GAB4: variants seen among roughly 807,000 people sequenced by gnomAD.
The protein encoded by GAB4 is GRB2 associated binding protein family member 4, also known as GRB2-associated-binding protein 4.
In GAB4, 26 loss-of-function variants were observed where a neutral mutation model predicts 51.3. That is an observed-to-expected ratio of 0.51 (90% CI 0.37 to 0.70). GAB4 has a LOEUF of 0.70. GAB4 is among the 30% of genes least tolerant of loss of function. GAB4 has a pLI of 0.00. For missense variants in GAB4, 759 were observed against 734.6 expected (o/e 1.03, Z -0.38); for synonymous variants, 329 against 291.2 (o/e 1.13, Z -1.32).
At chr22:16,989,201 A>G (rs1420682987) in intron 2 of GAB4, among the ~76,000 whole-genome samples, 1 of 152,254 alleles carries the variant, frequency 6.6e-6, no homozygotes, top group African/African-American at 2.4e-5. Flanking sequence ...CCCCAACAGC[A>G]AAACTTCTTG....
At position 17,007,925 on chromosome 22, in the gene GAB4, C is replaced by A; in HGVS notation, c.174+16G>T. ...CTCCGTGGCGCTCCTGGTACCGCCC[C>A]CACTGCCCCACTCACAAAGAGCCTC... On this transcript the variant is annotated intron_variant, in intron 1 of 9. Coordinates refer to ENST00000400588, the MANE Select transcript of GAB4 (RefSeq NM_001037814.1). 1 of 1,467,806 alleles carries A rather than the reference C, an allele frequency of 6.8e-7. No individual in the cohort carries two copies. The highest frequency in any genetic ancestry group is 9.0e-7 in the Non-Finnish European group (1 of 1,115,098). The allele number at this position is 1,467,806 out of a possible 1,614,324, so 90.9% of individuals were successfully genotyped here. A position where few individuals can be genotyped will look rare whatever the true frequency, so the allele number is the denominator to read the frequency against.
At chr22:16,986,052 G>C (rs2060864373) in intron 3 of GAB4, among the ~76,000 whole-genome samples, 1 of 152,232 alleles carries the variant, frequency 6.6e-6, no homozygotes, top group East Asian at 1.9e-4. Context: ...TCACAGAGGA[G>C]GAAGGAATAC....
intron 3 of GAB4, among the ~76,000 whole-genome samples, chr22:16,987,063 T>C (rs1459316867): frequency 1.3e-5 from 2 of 152,252 alleles, no homozygotes; most frequent in Admixed American, 6.5e-5. Context: ...ATCTCTCATA[T>C]GTTTGACTGG....
intron 3 of GAB4, among the ~76,000 whole-genome samples, chr22:16,983,669 T>C (rs1289322460): frequency 6.6e-6 from 1 of 152,236 alleles, no homozygotes; most frequent in Non-Finnish European, 1.5e-5. Context: ...CAACTCATTT[T>C]CAACAAAGAT....
intron 1 of GAB4, among the ~76,000 whole-genome samples, chr22:16,997,302 C>T (rs1317515115): frequency 6.6e-6 from 1 of 152,316 alleles, no homozygotes; most frequent in Non-Finnish European, 1.5e-5. Context: ...CTCTCCAGCA[C>T]CTGTTGTTTC....
chr22:17,004,446 C>T (rs531268799), intron 1 of GAB4, among the ~76,000 whole-genome samples: 1 of 152,126 alleles, frequency 6.6e-6, no homozygotes, highest in African/African-American at 2.4e-5. Context: ...ACTGGCAAAC[C>T]GAACCCAGGC....
chr22:16,994,067 A>C (rs2060933187), intron 1 of GAB4, among the ~76,000 whole-genome samples: 1 of 152,218 alleles, frequency 6.6e-6, no homozygotes, highest in Non-Finnish European at 1.5e-5. Flanking sequence ...TTAGAAAAAA[A>C]AAATTAGAAA....
Position 16,970,031 on chromosome 22 carries a change from G to A in GAB4, c.849C>T (p.Phe283=). The A allele has an allele frequency of 6.2e-7, 1 of 1,614,216 alleles. No homozygotes were observed. The highest frequency in any genetic ancestry group is 8.5e-7 in the Non-Finnish European group (1 of 1,180,034). ...LSKPSQHNAE[F]RGSTHRIPWS... Reference sequence around the variant, plus strand: ...AGGGGATTCTGTGGGTGCTGCCTCTGAATTCTGCATTGTGCTGGCTGGGCT... The same window carrying A: ...AGGGGATTCTGTGGGTGCTGCCTCTAAATTCTGCATTGTGCTGGCTGGGCT... The change falls in exon 4 of 10, where the codon TTC becomes TTT. Residue 283 remains phenylalanine (F), a synonymous_variant. Transcript: ENST00000400588.
chr22:16,963,885 C>A (rs1308834027), intron 8 of GAB4, 56 bp from the exon 9 acceptor site: 16 of 1,373,768 alleles, frequency 1.2e-5, no homozygotes, highest in East Asian at 2.3e-5. Context: ...GACCCAGCAC[C>A]CAGTGGAACA....
At chr22:16,983,654 A>G (rs1289303119) in intron 3 of GAB4, among the ~76,000 whole-genome samples, 1 of 152,238 alleles carries the variant, frequency 6.6e-6, no homozygotes, top group African/African-American at 2.4e-5. Context: ...TCATGCATTT[A>G]CAGTCAACTC....
intron 1 of GAB4, among the ~76,000 whole-genome samples, chr22:16,994,300 T>C (rs1458709676): frequency 6.6e-6 from 1 of 152,066 alleles, no homozygotes; most frequent in Non-Finnish European, 1.5e-5. Context: ...TCACTTAATC[T>C]CCCAGCATAA....
chr22:16,998,400 T>C (rs1414664643), intron 1 of GAB4, among the ~76,000 whole-genome samples: 3 of 152,186 alleles, frequency 2.0e-5, no homozygotes, highest in Non-Finnish European at 4.4e-5. Flanking sequence ...TTATTCTCTT[T>C]GAAGCAATTG....
At chr22:16,968,940 T>A (rs1287984355) in intron 4 of GAB4, among the ~76,000 whole-genome samples, 1 of 152,192 alleles carries the variant, frequency 6.6e-6, no homozygotes, top group Non-Finnish European at 1.5e-5. Context: ...CTAAGTACCA[T>A]GGGCCTCATA....
intron 3 of GAB4, among the ~76,000 whole-genome samples, chr22:16,983,254 G>A (rs1313680747): frequency 6.6e-6 from 1 of 152,038 alleles, no homozygotes; most frequent in Non-Finnish European, 1.5e-5. Context: ...AGCCTTCACA[G>A]CCTCCGTACT....
At position 16,988,050 on chromosome 22, in the gene GAB4, G is replaced by A; in HGVS notation, c.596C>T (p.Ser199Phe). 1 of 1,608,230 alleles carries A rather than the reference G, an allele frequency of 6.2e-7. No homozygotes were observed. The highest frequency in any genetic ancestry group is 1.3e-5 in the African/African-American group (1 of 74,876). The change falls in exon 3 of 10, where the codon TCT becomes TTT. Residue 199 changes from serine (S) to phenylalanine (F), a missense_variant. Physicochemically the swap from Ser to Phe is radical, Grantham distance 155 (BLOSUM62 -2). Around this residue, in one of 3 missense-constraint regions of GAB4, gnomAD observed 588 missense variants for 510.2 expected, o/e 1.15. Transcript: ENST00000400588. ...EQEPTSEPPVSHCVPPTWPIP... is the reference protein window; with the variant it reads ...EQEPTSEPPVFHCVPPTWPIP... ...GGGCCAGGTGGGCGGCACACAGTGA[G>A]ACACCGGGGGCTCAGATGTGGGTTC...
In GAB4 at chr22:16,963,735, T is replaced by G; in HGVS notation, c.1571A>C (p.Gln524Pro). The change falls in exon 9 of 10, where the codon CAG becomes CCG. Residue 524 changes from glutamine to proline, a missense_variant. Physicochemically the swap from Gln to Pro is moderately conservative, Grantham distance 76 (BLOSUM62 -1). Around this residue, in one of 3 missense-constraint regions of GAB4, gnomAD observed 588 missense variants for 510.2 expected, o/e 1.15. Coordinates refer to ENST00000400588, the MANE Select transcript of GAB4 (RefSeq NM_001037814.1). ...GNIHYAALDF[Q>P]PSKPSIGSVT... ...CTCCACCCCAGGCACCTTGCTCGGC[T>G]GGAAGTCCAGGGCCGCGTAGTGGAT... 1.2e-6 allele frequency: 2 copies of G among 1,613,178 alleles called. No individual in the cohort carries two copies. The highest frequency in any genetic ancestry group is 1.3e-5 in the African/African-American group (1 of 74,998).
At chr22:16,994,761 T>C (rs2060938051) in intron 1 of GAB4, among the ~76,000 whole-genome samples, 2 of 152,358 alleles carry the variant, frequency 1.3e-5, no homozygotes, top group South Asian at 4.1e-4. Context: ...TTTTACAATC[T>C]GTATGACTTC....
intron 1 of GAB4, among the ~76,000 whole-genome samples, chr22:16,992,762 A>T (rs2123708523): frequency 6.6e-6 from 1 of 152,304 alleles, no homozygotes; most frequent in South Asian, 2.1e-4. Context: ...TCTGTCACTC[A>T]GGCTGGAGTG....
chr22:17,000,609 C>T (rs2060989866), intron 1 of GAB4, among the ~76,000 whole-genome samples: 1 of 152,124 alleles, frequency 6.6e-6, no homozygotes, highest in African/African-American at 2.4e-5. Context: ...CAGTCTGTGT[C>T]TTTTAATTGG....
Sources: gnomAD v4.1 joint callset for allele counts (sites outside exome capture counted in the v4.1 genomes callset) on GRCh38, gnomAD v4.1.1 for gene constraint, gnomAD v4.1.1 regional missense constraint, MANE v1.5 for transcripts, NCBI Gene and HGNC (gene_info 2026-07-23, HGNC 2026-07-21) for gene names.